PCDH15: variants seen among roughly 807,000 people sequenced by gnomAD.
PCDH15 encodes protocadherin related 15, also known as protocadherin-15.
Under a neutral mutation model 178.5 loss-of-function variants are expected in PCDH15, and 129 were observed. The ratio of observed to expected loss-of-function variants is 0.72; its 90% confidence interval spans 0.63 to 0.84. The LOEUF (loss-of-function observed/expected upper bound fraction) is 0.84. PCDH15 is among the 40% of genes least tolerant of loss of function. The probability of loss-of-function intolerance (pLI) is 0.00; values close to 1 mark genes in which losing one functional copy is unlikely to be tolerated. For synonymous variants in PCDH15, 800 were observed against 732.0 expected, an observed-to-expected ratio of 1.09 and a Z score of -1.50; for missense variants, 2,230 against 2,099.9, an observed-to-expected ratio of 1.06 and a Z score of -1.21.
At chr10:54,964,745 A>G (rs1838740369) in intron 2 of PCDH15, among the ~76,000 whole-genome samples, 1 of 152,218 alleles carries the variant, frequency 6.6e-6, no homozygotes, top group South Asian at 2.1e-4. Context: ...CCTGGGGCTT[A>G]AAATTACATT....
chr10:55,074,444 T>C (rs1841829787), intron 2 of PCDH15, among the ~76,000 whole-genome samples: 2 of 152,192 alleles, frequency 1.3e-5, no homozygotes, highest in African/African-American at 4.8e-5. Context: ...GGGTTTGATT[T>C]GCATTTCTCT....
In PCDH15 at chr10:54,210,069, A is replaced by C. The variant is rs1159016597; in HGVS notation, c.1098+3867T>G. 1.3e-5 allele frequency among the ~76,000 whole-genome samples: 2 copies of C among 152,112 alleles called. 1 individual carries two copies. The highest frequency in any genetic ancestry group is 4.8e-5 in the African/African-American group (2 of 41,450). On this transcript the variant is annotated intron_variant, in intron 10 of 37. Coordinates refer to ENST00000644397, the MANE Select transcript of PCDH15 (RefSeq NM_001384140.1). ...GTTTTAATTCCCTGGCTAATTTTCTATGGCAAATATGTAATTTTTCTTTAG... is the reference window on the plus strand; with the variant it reads ...GTTTTAATTCCCTGGCTAATTTTCTCTGGCAAATATGTAATTTTTCTTTAG...
intron 1 of PCDH15, among the ~76,000 whole-genome samples, chr10:55,224,668 A>G (rs563776244): frequency 1.3e-5 from 2 of 152,244 alleles, no homozygotes; most frequent in South Asian, 2.1e-4. Context: ...TAGGGGCTCA[A>G]TAAATACTCA....
At chr10:55,450,765 T>C (rs1265337870) in intron 2 of PCDH15, among the ~76,000 whole-genome samples, 1 of 152,000 alleles carries the variant, frequency 6.6e-6, no homozygotes, top group Admixed American at 6.6e-5. Flanking sequence ...TTTTGTCTTG[T>C]GTGAGCTCAC....
intron 13 of PCDH15, among the ~76,000 whole-genome samples, chr10:54,182,676 T>G (rs1298077252): frequency 6.6e-6 from 1 of 152,192 alleles, no homozygotes; most frequent in Non-Finnish European, 1.5e-5. Context: ...GCTGTAATGA[T>G]TATATTTTAT....
At chr10:54,576,819 C>T (rs1025565830) in intron 2 of PCDH15, among the ~76,000 whole-genome samples, 1 of 152,072 alleles carries the variant, frequency 6.6e-6, no homozygotes. Flanking sequence ...CATTAGTACT[C>T]AAAGTAAAAG....
intron 2 of PCDH15, among the ~76,000 whole-genome samples, chr10:54,534,182 A>AT (rs958973840): frequency 6.6e-6 from 1 of 151,942 alleles, no homozygotes; most frequent in East Asian, 1.9e-4. Context: ...TGTTTTTTCT[A>AT]TTTTTTTCCT....
At chr10:54,360,924 T>C (rs1945927117) in intron 5 of PCDH15, among the ~76,000 whole-genome samples, 1 of 152,152 alleles carries the variant, frequency 6.6e-6, no homozygotes, top group South Asian at 2.1e-4. Flanking sequence ...TGTTTATTAG[T>C]CTTGCTGTTA....
chr10:54,853,748 G>A (rs1450936688), intron 3 of PCDH15, among the ~76,000 whole-genome samples: 1 of 152,006 alleles, frequency 6.6e-6, no homozygotes, highest in Non-Finnish European at 1.5e-5. Flanking sequence ...TGTAATATCT[G>A]TCAGGAACCC....
intron 20 of PCDH15, among the ~76,000 whole-genome samples, chr10:54,003,151 G>C (rs565593606): frequency 5.9e-5 from 9 of 151,874 alleles, no homozygotes; most frequent in African/African-American, 2.2e-4. Context: ...ATCATGAAAG[G>C]AAAAAAACTT....
intron 1 of PCDH15, among the ~76,000 whole-genome samples, chr10:54,730,712 A>G (rs1943217887): frequency 6.6e-6 from 1 of 151,514 alleles, no homozygotes; most frequent in African/African-American, 2.4e-5. Flanking sequence ...CCATATGTAA[A>G]AGAATGAAAA....
At chr10:55,015,801 C>A (rs117466702) in intron 2 of PCDH15, among the ~76,000 whole-genome samples, 3 of 152,104 alleles carry the variant, frequency 2.0e-5, no homozygotes, top group Non-Finnish European at 4.4e-5. Flanking sequence ...CTGAACCTAC[C>A]TTTGATTTCA....
intron 23 of PCDH15, among the ~76,000 whole-genome samples, chr10:53,949,173 G>T (rs1564839031): frequency 6.6e-6 from 1 of 152,094 alleles, no homozygotes; most frequent in South Asian, 2.1e-4. Context: ...AGGTGCACAG[G>T]GAACCTATCA....
At chr10:55,620,548 A>C (rs1843570564) in intron 2 of PCDH15, among the ~76,000 whole-genome samples, 1 of 152,118 alleles carries the variant, frequency 6.6e-6, no homozygotes, top group South Asian at 2.1e-4. Flanking sequence ...TTATTACATT[A>C]TTACATTTAC....
At chr10:54,054,551 A>AT (rs2093843448) in intron 18 of PCDH15, among the ~76,000 whole-genome samples, 1 of 152,178 alleles carries the variant, frequency 6.6e-6, no homozygotes. Flanking sequence ...TTTCACAACT[A>AT]TAAATATTTA....
chr10:55,246,670 T>A (rs777444271), intron 1 of PCDH15, among the ~76,000 whole-genome samples: 2 of 152,206 alleles, frequency 1.3e-5, no homozygotes, highest in South Asian at 2.1e-4. Context: ...CTCAGACTTA[T>A]GCTCATGTGT....
intron 26 of PCDH15, among the ~76,000 whole-genome samples, chr10:53,884,027 A>ACAAAAC (rs541988502): frequency 6.6e-6 from 1 of 151,488 alleles, no homozygotes; most frequent in African/African-American, 2.4e-5. Context: ...GTTTTTGTAA[A>ACAAAAC]AAAACAAAAC....
rs527342435 is a variant in PCDH15 at position 54,182,101 on chromosome 10, G to T, written c.1590+1343C>A. ...GCCTCCCGAGTAGCTGGGACTACAG[G>T]CGCATGCCGCCACGTCCGGCTAATT... On this transcript the variant is annotated intron_variant, in intron 13 of 37. Transcript: ENST00000644397. Among the ~76,000 whole-genome samples, 82 of 152,222 alleles carry T rather than the reference G, an allele frequency of 5.4e-4. 1 individual carries two copies. Among genetic ancestry groups the T allele is most frequent in the Admixed American group, 4.6e-3 (71 of 15,276 alleles).
chr10:54,718,863 AT>A (rs1265309805), intron 1 of PCDH15, among the ~76,000 whole-genome samples: 4 of 151,522 alleles, frequency 2.6e-5, no homozygotes, highest in Admixed American at 2.0e-4. Flanking sequence ...TGTCCAGCTA[AT>A]TTTTGTATTT....
Sources: gnomAD v4.1 joint callset for allele counts (sites outside exome capture counted in the v4.1 genomes callset) on GRCh38, gnomAD v4.1.1 for gene constraint, MANE v1.5 for transcripts, NCBI Gene and HGNC (gene_info 2026-07-23, HGNC 2026-07-21) for gene names.